COL26A1: variants seen among roughly 807,000 people sequenced by gnomAD.
COL26A1 encodes collagen type XXVI alpha 1 chain, also known as collagen alpha-1(XXVI) chain.
In COL26A1, 41 loss-of-function variants were observed where a neutral mutation model predicts 59.3. The observed-to-expected ratio is 0.69, with a 90% CI of 0.54 to 0.90. COL26A1 has a LOEUF of 0.90. COL26A1 is among the 40% of genes least tolerant of loss of function. The pLI is 0.00. For synonymous variants in COL26A1, 266 were observed against 256.0 expected (o/e 1.04, Z -0.37); for missense variants, 612 against 602.3 (o/e 1.02, Z -0.17).
chr7:101,539,431 A>G (rs1429910328), intron 4 of COL26A1, among the ~76,000 whole-genome samples: 5 of 147,018 alleles, frequency 3.4e-5, no homozygotes, highest in African/African-American at 1.3e-4. Context: ...GTAGCCTTGA[A>G]CTCCTGGGCT....
At chr7:101,520,504 T>C (rs1458299969) in intron 3 of COL26A1, among the ~76,000 whole-genome samples, 1 of 152,120 alleles carries the variant, frequency 6.6e-6, no homozygotes, top group Non-Finnish European at 1.5e-5. Context: ...GGCAACATAC[T>C]GAGACTTCGT....
chr7:101,499,553 G>A (rs1427959031), intron 3 of COL26A1, among the ~76,000 whole-genome samples: 11 of 152,008 alleles, frequency 7.2e-5, no homozygotes, highest in African/African-American at 2.2e-4. Flanking sequence ...GCATGGTGGC[G>A]CATGCCTGTA....
intron 1 of COL26A1, among the ~76,000 whole-genome samples, chr7:101,387,493 T>G (rs1455630862): frequency 2.6e-5 from 4 of 151,550 alleles, no homozygotes; most frequent in Non-Finnish European, 5.9e-5. Context: ...AACTTTTTAT[T>G]ATTTATATTG....
At chr7:101,526,197 C>T (rs1195498167) in intron 3 of COL26A1, among the ~76,000 whole-genome samples, 1 of 151,932 alleles carries the variant, frequency 6.6e-6, no homozygotes, top group African/African-American at 2.4e-5. Context: ...TACAGGTGCC[C>T]GCCACCACAT....
At chr7:101,555,400 T>G (rs1475811668) in intron 11 of COL26A1, among the ~76,000 whole-genome samples, 3 of 152,096 alleles carry the variant, frequency 2.0e-5, no homozygotes, top group African/African-American at 7.2e-5. Flanking sequence ...CTTCGGGCCC[T>G]GGGATAGGTG....
intron 3 of COL26A1, among the ~76,000 whole-genome samples, chr7:101,479,945 T>C (rs1268395900): frequency 6.6e-6 from 1 of 152,222 alleles, no homozygotes; most frequent in East Asian, 1.9e-4. Context: ...AAATCTATAA[T>C]AAATTATTGT....
At chr7:101,425,522 A>C (rs1584396835) in intron 2 of COL26A1, among the ~76,000 whole-genome samples, 1 of 151,844 alleles carries the variant, frequency 6.6e-6, no homozygotes, top group East Asian at 2.0e-4. Context: ...TTTTAGATGG[A>C]GTCTCATTCT....
intron 1 of COL26A1, among the ~76,000 whole-genome samples, chr7:101,402,453 C>G (rs780965608): frequency 1.2e-4 from 18 of 152,026 alleles, no homozygotes; most frequent in Non-Finnish European, 2.6e-4. Flanking sequence ...CTCTGGGCCT[C>G]GGTTTTCTCA....
intron 1 of COL26A1, among the ~76,000 whole-genome samples, chr7:101,370,698 C>T (rs1026223111): frequency 6.6e-6 from 1 of 152,070 alleles, no homozygotes; most frequent in African/African-American, 2.4e-5. Flanking sequence ...ATACCTGCTG[C>T]TTCAAACTCT....
intron 1 of COL26A1, among the ~76,000 whole-genome samples, chr7:101,414,908 C>G (rs1294704100): frequency 6.6e-6 from 1 of 152,186 alleles, no homozygotes; most frequent in African/African-American, 2.4e-5. Context: ...CGCCAGTCCT[C>G]GGGTCAGGAA....
At chr7:101,459,525 G>C (rs1286913807) in intron 3 of COL26A1, among the ~76,000 whole-genome samples, 1 of 147,192 alleles carries the variant, frequency 6.8e-6, no homozygotes, top group Non-Finnish European at 1.5e-5. Flanking sequence ...AGCCAGGATG[G>C]TCTCGATCTC....
chr7:101,395,422 T>G (rs1791832504), intron 1 of COL26A1, among the ~76,000 whole-genome samples: 1 of 152,298 alleles, frequency 6.6e-6, no homozygotes, highest in Non-Finnish European at 1.5e-5. Context: ...TAATTTTCTG[T>G]TTTGATCCCA....
At chr7:101,489,617 C>CT (rs1337162234) in intron 3 of COL26A1, among the ~76,000 whole-genome samples, 1 of 52,542 alleles carries the variant, frequency 1.9e-5, no homozygotes, top group Admixed American at 1.7e-4. Context: ...TTCTTTCTTT[C>CT]TTTCTTTCTT....
chr7:101,378,388 C>T (rs1791367649), intron 1 of COL26A1, among the ~76,000 whole-genome samples: 2 of 152,092 alleles, frequency 1.3e-5, no homozygotes, highest in African/African-American at 4.8e-5. Context: ...TTTGAAATGC[C>T]ACTTTTATCA....
At chr7:101,394,007 G>A (rs751681535) in intron 1 of COL26A1, among the ~76,000 whole-genome samples, 1 of 150,234 alleles carries the variant, frequency 6.7e-6, no homozygotes, top group South Asian at 2.1e-4. Context: ...CAAACTTCTG[G>A]CCTCAAGTAG....
At chr7:101,407,313 G>A (rs542942696) in intron 1 of COL26A1, among the ~76,000 whole-genome samples, 10 of 152,094 alleles carry the variant, frequency 6.6e-5, no homozygotes, top group African/African-American at 2.2e-4. Context: ...ATGGCCCTCC[G>A]CTTGTCTCTG....
chr7:101,387,755 TATATATATATA>T (rs1562958216), intron 1 of COL26A1, among the ~76,000 whole-genome samples: 1 of 53,242 alleles, frequency 1.9e-5, no homozygotes, highest in East Asian at 2.9e-4. Flanking sequence ...TATATATATT[TATATATATATA>T]TATATATATA....
intron 1 of COL26A1, among the ~76,000 whole-genome samples, chr7:101,395,263 G>A (rs1264594155): frequency 2.6e-5 from 4 of 152,160 alleles, no homozygotes; most frequent in Non-Finnish European, 4.4e-5. Flanking sequence ...TTATCCTGAG[G>A]AATTCTAACC....
intron 3 of COL26A1, among the ~76,000 whole-genome samples, chr7:101,532,199 G>T (rs1181520319): frequency 6.6e-6 from 1 of 152,130 alleles, no homozygotes; most frequent in Non-Finnish European, 1.5e-5. Flanking sequence ...CTCTTGGGCG[G>T]GGTCAGCATC....
Sources: gnomAD v4.1 joint callset for allele counts (sites outside exome capture counted in the v4.1 genomes callset) on GRCh38, gnomAD v4.1.1 for gene constraint, MANE v1.5 for transcripts, NCBI Gene and HGNC (gene_info 2026-07-23, HGNC 2026-07-21) for gene names.